Variants in CTNNA3 observed in about 807,000 individuals in gnomAD.
The protein encoded by CTNNA3 is catenin alpha-3.
CTNNA3 carries 76 observed loss-of-function variants against 95.7 expected under a neutral mutation model. The ratio of observed to expected loss-of-function variants is 0.79; its 90% confidence interval spans 0.66 to 0.96. The LOEUF is 0.96. Among genes scored for constraint, CTNNA3 ranks in the 40% least tolerant of loss-of-function variants. The pLI is 0.00. For synonymous variants in CTNNA3, 431 were observed against 374.4 expected (o/e 1.15, Z -1.74); for missense variants, 1,191 against 1,089.8 (o/e 1.09, Z -1.31).
intron 9 of CTNNA3, among the ~76,000 whole-genome samples, chr10:66,651,737 TGTG>T (rs1368614857): frequency 6.6e-6 from 1 of 151,790 alleles, no homozygotes; most frequent in Non-Finnish European, 1.5e-5. Flanking sequence ...CGGGGCCTGC[TGTG>T]CTGGCCTGCG....
At chr10:66,633,239 T>C (rs1845208103) in intron 9 of CTNNA3, among the ~76,000 whole-genome samples, 1 of 152,104 alleles carries the variant, frequency 6.6e-6, no homozygotes, top group Admixed American at 6.6e-5. Context: ...AAAGCGAAAA[T>C]GAATCTAAAT....
intron 7 of CTNNA3, among the ~76,000 whole-genome samples, chr10:66,783,574 C>T (rs116733840): frequency 0.011 from 1,604 of 152,118 alleles, 35 homozygotes; most frequent in African/African-American, 0.036. Context: ...AATATAAAAG[C>T]GTCTGTACGA....
chr10:67,622,655 C>T lies in CTNNA3; in HGVS notation c.100-15606G>A, dbSNP rs140217981. On this transcript the variant is annotated intron_variant, in intron 2 of 17. Transcript: ENST00000433211. Reference sequence around the variant, plus strand: ...GACTTGTACTATTTTAATCAATTAGCTATGGGTTTTCCTATCCTTATTTTA... The same window carrying T: ...GACTTGTACTATTTTAATCAATTAGTTATGGGTTTTCCTATCCTTATTTTA... Among the ~76,000 whole-genome samples, 191 of 152,312 alleles carry T rather than the reference C, an allele frequency of 1.3e-3. 1 individual carries two copies. The highest frequency in any genetic ancestry group is 4.0e-3 in the African/African-American group (168 of 41,574).
At chr10:67,023,669 A>AT (rs1308722132) in intron 7 of CTNNA3, among the ~76,000 whole-genome samples, 1 of 152,196 alleles carries the variant, frequency 6.6e-6, no homozygotes, top group Admixed American at 6.5e-5. Flanking sequence ...ATGGAGAAAA[A>AT]TTGAGTCAAT....
intron 10 of CTNNA3, among the ~76,000 whole-genome samples, chr10:66,568,390 A>C (rs1163230465): frequency 6.6e-6 from 1 of 152,206 alleles, no homozygotes; most frequent in African/African-American, 2.4e-5. Context: ...AGAAATATGA[A>C]AATAAGGCAA....
intron 7 of CTNNA3, among the ~76,000 whole-genome samples, chr10:66,781,527 GCTAAATGATC>G (rs1564679073): frequency 6.6e-6 from 1 of 152,168 alleles, no homozygotes; most frequent in Non-Finnish European, 1.5e-5. Context: ...GATGGGGCAT[GCTAAATGATC>G]TGTCAGAAAT....
At chr10:67,039,201 A>G (rs558659925) in intron 7 of CTNNA3, among the ~76,000 whole-genome samples, 1 of 152,252 alleles carries the variant, frequency 6.6e-6, no homozygotes, top group South Asian at 2.1e-4. Flanking sequence ...ACAACTTCAC[A>G]AACTGTAACT....
intron 7 of CTNNA3, among the ~76,000 whole-genome samples, chr10:66,853,248 A>AAT (rs199599405): frequency 6.6e-6 from 1 of 152,128 alleles, no homozygotes; most frequent in Non-Finnish European, 1.5e-5. Context: ...TGCAGCAGAG[A>AAT]GTATATGGCT....
chr10:67,556,826 A>G (rs1439286378), intron 3 of CTNNA3, among the ~76,000 whole-genome samples: 2 of 151,932 alleles, frequency 1.3e-5, no homozygotes, highest in East Asian at 3.9e-4. Context: ...TTGCTTCTCT[A>G]GTTCTTTTAA....
chr10:66,915,273 G>GA (rs777272127), intron 7 of CTNNA3, among the ~76,000 whole-genome samples: 99 of 151,114 alleles, frequency 6.6e-4, no homozygotes, highest in Non-Finnish European at 1.2e-3. Flanking sequence ...TCATACAGAG[G>GA]AAAAAAATAG....
chr10:66,938,650 T>C (rs1196820351), intron 7 of CTNNA3, among the ~76,000 whole-genome samples: 1 of 152,100 alleles, frequency 6.6e-6, no homozygotes, highest in Non-Finnish European at 1.5e-5. Flanking sequence ...CTCAAACCCA[T>C]ATTGTCCAAA....
At chr10:66,796,054 T>A (rs1227388952) in intron 7 of CTNNA3, among the ~76,000 whole-genome samples, 3 of 152,128 alleles carry the variant, frequency 2.0e-5, no homozygotes, top group Admixed American at 2.0e-4. Context: ...ATAAGGTTGT[T>A]TTGCTTTCTC....
At chr10:67,726,536 TTATATATTACATATTATATAATATAA>T (rs1329020821) in intron 1 of CTNNA3, among the ~76,000 whole-genome samples, 4 of 66,070 alleles carry the variant, frequency 6.1e-5, no homozygotes, top group Non-Finnish European at 9.6e-5. Context: ...ATATATATTA[TTATATATTACATATTATATAATATAA>T]TATATATTAC....
chr10:67,695,354 G>A (rs1193861177), intron 1 of CTNNA3, among the ~76,000 whole-genome samples: 1 of 152,084 alleles, frequency 6.6e-6, no homozygotes, highest in Non-Finnish European at 1.5e-5. Flanking sequence ...GACAGCAGCT[G>A]CTCACAATCA....
chr10:66,986,983 C>A (rs971451213), intron 7 of CTNNA3, among the ~76,000 whole-genome samples: 1 of 152,048 alleles, frequency 6.6e-6, no homozygotes. Flanking sequence ...CACTAATAAG[C>A]TGATACATGA....
rs74391203 is a variant in CTNNA3, at chr10:67,518,387, G to A, written c.579+3455C>T. Among the ~76,000 whole-genome samples the A allele has an allele frequency of 2.2e-4, 33 of 152,204 alleles. No individual in the cohort carries two copies. In the East Asian group the frequency reaches 5.2e-3, roughly 24 times the overall value. On this transcript the variant is annotated intron_variant, in intron 5 of 17. Transcript: ENST00000433211. ...GAAACGGGCTGTACATTCTAAATACGAAGTTATATAAACCTTGTGCACAGG... is the reference window on the plus strand; with the variant it reads ...GAAACGGGCTGTACATTCTAAATACAAAGTTATATAAACCTTGTGCACAGG...
At chr10:67,069,101 A>C (rs2131841530) in intron 7 of CTNNA3, among the ~76,000 whole-genome samples, 1 of 152,142 alleles carries the variant, frequency 6.6e-6, no homozygotes, top group South Asian at 2.1e-4. Context: ...AAAAAGAAAA[A>C]GAAGAAGACA....
chr10:65,978,868 G>A (rs1033188718), intron 16 of CTNNA3, among the ~76,000 whole-genome samples: 1 of 152,104 alleles, frequency 6.6e-6, no homozygotes, highest in Non-Finnish European at 1.5e-5. Flanking sequence ...TATGACAGCT[G>A]CTGTTTAGCA....
At chr10:67,740,459 C>T (rs1337486585) in intron 1 of CTNNA3, among the ~76,000 whole-genome samples, 5 of 151,074 alleles carry the variant, frequency 3.3e-5, no homozygotes, top group African/African-American at 1.2e-4. Flanking sequence ...AACAAATGTA[C>T]AAGAAAAAAA....
Sources: gnomAD v4.1 joint callset for allele counts (sites outside exome capture counted in the v4.1 genomes callset) on GRCh38, gnomAD v4.1.1 for gene constraint, MANE v1.5 for transcripts, NCBI Gene and HGNC (gene_info 2026-07-23, HGNC 2026-07-21) for gene names.